The following CREB5 variants were observed in gnomAD, a reference collection of about 807,000 sequenced individuals.
CREB5 encodes cyclic AMP-responsive element-binding protein 5.
CREB5 carries 19 observed loss-of-function variants against 57.1 expected under a neutral mutation model. That is an observed-to-expected ratio of 0.33 (90% CI 0.23 to 0.49). The LOEUF is 0.49. Ranked by LOEUF, CREB5 falls within the 20% of genes least tolerant of loss-of-function variation. The probability of loss-of-function intolerance (pLI) is 0.99; values close to 1 mark genes in which losing one functional copy is unlikely to be tolerated. For missense variants in CREB5, 579 were observed against 671.6 expected, an observed-to-expected ratio of 0.86 and a Z score of 1.52; for synonymous variants, 238 against 238.3, an observed-to-expected ratio of 1.00 and a Z score of 0.01.
chr7:28,509,988 C>G (rs771162149), intron 4 of CREB5, among the ~76,000 whole-genome samples: 13 of 152,178 alleles, frequency 8.5e-5, no homozygotes, highest in Admixed American at 2.0e-4. Flanking sequence ...CTCAGGTGGC[C>G]ATGGTTACAC....
At chr7:28,592,481 T>A (rs1411607901) in intron 5 of CREB5, among the ~76,000 whole-genome samples, 4 of 152,168 alleles carry the variant, frequency 2.6e-5, no homozygotes, top group Non-Finnish European at 5.9e-5. Flanking sequence ...ATTTAAATCT[T>A]GAAGGGATTT....
chr7:28,641,139 T>C (rs1798643109), intron 5 of CREB5, among the ~76,000 whole-genome samples: 1 of 152,074 alleles, frequency 6.6e-6, no homozygotes, highest in Non-Finnish European at 1.5e-5. Flanking sequence ...AATGCAGTGT[T>C]CCTGGGAGCT....
chr7:28,367,196 T>C (rs1786605257), intron 1 of CREB5, among the ~76,000 whole-genome samples: 1 of 150,286 alleles, frequency 6.7e-6, no homozygotes, highest in African/African-American at 2.4e-5. Context: ...ATCTCCTTTT[T>C]GGCCATCTCT....
At chr7:28,686,576 T>C (rs1375132385) in intron 5 of CREB5, among the ~76,000 whole-genome samples, 2 of 151,892 alleles carry the variant, frequency 1.3e-5, no homozygotes, top group Non-Finnish European at 1.5e-5. Context: ...GCGAAGTTTC[T>C]TTGCTGCGGT....
chr7:28,453,048 G>A (rs1270534098), intron 1 of CREB5, among the ~76,000 whole-genome samples: 3 of 152,228 alleles, frequency 2.0e-5, no homozygotes, highest in Non-Finnish European at 2.9e-5. Context: ...CAAATGGCGA[G>A]TAACTCTCTG....
intron 5 of CREB5, among the ~76,000 whole-genome samples, chr7:28,574,452 G>T (rs1199920682): frequency 6.6e-6 from 1 of 152,214 alleles, no homozygotes; most frequent in East Asian, 1.9e-4. Flanking sequence ...TTTTGTAGGA[G>T]TCAATAATCC....
At chr7:28,671,662 G>A (rs1261775174) in intron 5 of CREB5, among the ~76,000 whole-genome samples, 1 of 152,178 alleles carries the variant, frequency 6.6e-6, no homozygotes. Context: ...GTTTTGTTTA[G>A]TGGCCTCAAA....
At chr7:28,665,794 G>A (rs767327372) in intron 5 of CREB5, among the ~76,000 whole-genome samples, 20 of 152,028 alleles carry the variant, frequency 1.3e-4, no homozygotes, top group Non-Finnish European at 2.8e-4. Flanking sequence ...TGGGAGGATT[G>A]CTTGAGCCCA....
At position 28,804,146 on chromosome 7, in the gene CREB5, A is replaced by G. The variant is rs1808544766; in HGVS notation, c.703-53A>G. On this transcript the variant is annotated intron_variant, in intron 7 of 10. Coordinates refer to ENST00000357727, the MANE Select transcript of CREB5 (RefSeq NM_182898.4). The stretch of plus-strand genomic sequence containing the variant: ...GTCATTTTGCTTTTAAATCTCTATC[A>G]TGTACATGACTGACTTCAGTTGTTC... 4 of 1,543,486 alleles carry G rather than the reference A, an allele frequency of 2.6e-6. No individual in the cohort carries two copies. The South Asian group carries it at 3.5e-5, about 13-fold the overall frequency.
At chr7:28,440,428 T>C (rs1789138853) in intron 1 of CREB5, among the ~76,000 whole-genome samples, 1 of 152,172 alleles carries the variant, frequency 6.6e-6, no homozygotes, top group South Asian at 2.1e-4. Flanking sequence ...TCAGTTAATA[T>C]CACATGCTTA....
chr7:28,516,514 T>C (rs1792962310), intron 4 of CREB5, among the ~76,000 whole-genome samples: 1 of 152,126 alleles, frequency 6.6e-6, no homozygotes, highest in Admixed American at 6.5e-5. Flanking sequence ...GCCCTGAAGC[T>C]CCGCAGGCAC....
intron 1 of CREB5, among the ~76,000 whole-genome samples, chr7:28,381,647 A>G (rs1786969882): frequency 6.6e-6 from 1 of 152,230 alleles, no homozygotes. Context: ...TAAAACCAAG[A>G]GTACCCTGGC....
At chr7:28,663,991 G>A (rs1176530208) in intron 5 of CREB5, among the ~76,000 whole-genome samples, 1 of 152,180 alleles carries the variant, frequency 6.6e-6, no homozygotes, top group African/African-American at 2.4e-5. Context: ...AGAATAACTG[G>A]AAAACCATAC....
intron 5 of CREB5, among the ~76,000 whole-genome samples, chr7:28,680,036 G>A (rs146604957): frequency 3.2e-4 from 49 of 152,202 alleles, no homozygotes; most frequent in South Asian, 8.3e-4. Flanking sequence ...ATCTCCAAAC[G>A]AGGCTGGGAC....
At chr7:28,447,695 T>TA (rs1414839780) in intron 1 of CREB5, among the ~76,000 whole-genome samples, 2 of 152,154 alleles carry the variant, frequency 1.3e-5, no homozygotes, top group Non-Finnish European at 2.9e-5. Context: ...GAGAGCAAGA[T>TA]AAAGAACATG....
At chr7:28,414,174 T>C (rs1221669857) in intron 1 of CREB5, among the ~76,000 whole-genome samples, 1 of 152,120 alleles carries the variant, frequency 6.6e-6, no homozygotes, top group Non-Finnish European at 1.5e-5. Context: ...TTCTCCTTCT[T>C]CTTCTTCTAA....
rs116038764 is a variant in CREB5 at position 28,309,898 on chromosome 7, T to C, written c.-25+10457T>C. Among the ~76,000 whole-genome samples, 894 of 152,232 alleles carry C rather than the reference T, an allele frequency of 5.9e-3. 14 individuals carry two copies. Among genetic ancestry groups the C allele is most frequent in the African/African-American group, 0.021 (858 of 41,520 alleles). Reference sequence around the variant, plus strand: ...GATCATTGAAAGGGCAGGTCATACATGTGCTTAACCATTAACAAGGAAGGA... The same window carrying C: ...GATCATTGAAAGGGCAGGTCATACACGTGCTTAACCATTAACAAGGAAGGA... On this transcript the variant is annotated intron_variant, in intron 1 of 9. Coordinates refer to the CREB5 transcript ENST00000396299.
chr7:28,399,554 T>G (rs1787408186), intron 1 of CREB5, among the ~76,000 whole-genome samples: 1 of 152,130 alleles, frequency 6.6e-6, no homozygotes, highest in Admixed American at 6.5e-5. Context: ...TCCTATTCAA[T>G]AAATAGTGCT....
intron 1 of CREB5, among the ~76,000 whole-genome samples, chr7:28,377,126 A>G (rs533828919): frequency 6.6e-6 from 1 of 152,240 alleles, no homozygotes; most frequent in African/African-American, 2.4e-5. Context: ...TTCATTTTAG[A>G]CACTTCTATT....
Sources: gnomAD v4.1 joint callset for allele counts (sites outside exome capture counted in the v4.1 genomes callset) on GRCh38, gnomAD v4.1.1 for gene constraint, MANE v1.5 for transcripts, NCBI Gene and HGNC (gene_info 2026-07-23, HGNC 2026-07-21) for gene names.